Variants in EPHX2 observed in about 807,000 individuals in gnomAD.
The protein encoded by EPHX2 is bifunctional epoxide hydrolase 2.
In EPHX2, 74 loss-of-function variants were observed where a neutral mutation model predicts 78.7. That is an observed-to-expected ratio of 0.94 (90% CI 0.78 to 1.14). EPHX2 has a LOEUF of 1.14. Ranked by LOEUF, EPHX2 falls within the 50% of genes most tolerant of loss-of-function variation. The probability of loss-of-function intolerance (pLI) is 0.00; values close to 1 mark genes in which losing one functional copy is unlikely to be tolerated. For synonymous variants in EPHX2, 251 were observed against 255.2 expected (o/e 0.98, Z 0.16); for missense variants, 715 against 702.5 (o/e 1.02, Z -0.20).
chr8:27,547,891 C>CT (rs1287838488), downstream of EPHX2, among the ~76,000 whole-genome samples: 2 of 152,144 alleles, frequency 1.3e-5, no homozygotes, highest in Non-Finnish European at 2.9e-5. Flanking sequence ...AGATTTCATT[C>CT]TTTTTTTGTG....
chr8:27,513,691 A>G (rs1411320919), intron 6 of EPHX2, among the ~76,000 whole-genome samples: 1 of 152,196 alleles, frequency 6.6e-6, no homozygotes, highest in Non-Finnish European at 1.5e-5. Flanking sequence ...GAGATGGGAA[A>G]GGACATGCGT....
chr8:27,541,455 T>C lies in EPHX2; in HGVS notation c.1380-18T>C, dbSNP rs1255329794. 1 of 1,613,948 alleles carries C rather than the reference T, an allele frequency of 6.2e-7. No individual in the cohort carries two copies. The highest frequency in any genetic ancestry group is 1.7e-5 in the Admixed American group (1 of 60,012). ...CTACTTACTGCCTCCCTCTTTTTAC[T>C]TTCTGATCTCTCCCCAGAGGTCCTC... is the stretch of plus-strand genomic sequence containing the variant. On this transcript the variant is annotated intron_variant, in intron 15 of 18. Transcript: ENST00000521400.
intron 9 of EPHX2, 114 bp from the exon 10 acceptor site, chr8:27,520,768 TG>T: frequency 8.0e-7 from 1 of 1,247,882 alleles, no homozygotes. Context: ...TCTGAGGCCC[TG>T]GGGGTTAGGA....
chr8:27,537,407 C>T (rs1220076402), intron 13 of EPHX2, among the ~76,000 whole-genome samples: 2 of 152,146 alleles, frequency 1.3e-5, no homozygotes, highest in Non-Finnish European at 2.9e-5. Context: ...CATTTTGGTG[C>T]CTGAAGACAT....
intron 10 of EPHX2, among the ~76,000 whole-genome samples, chr8:27,521,788 G>A (rs1167909293): frequency 6.6e-6 from 1 of 152,214 alleles, no homozygotes; most frequent in Non-Finnish European, 1.5e-5. Flanking sequence ...CTCTGCGGTT[G>A]CTGCCAGTGG....
intron 5 of EPHX2, among the ~76,000 whole-genome samples, chr8:27,511,178 A>C (rs534072193): frequency 6.6e-6 from 1 of 152,368 alleles, no homozygotes; most frequent in South Asian, 2.1e-4. Context: ...GTATTTTGTC[A>C]TGGCAGCCAC....
At chr8:27,511,313 G>A (rs1021404110) in intron 5 of EPHX2, among the ~76,000 whole-genome samples, 2 of 152,220 alleles carry the variant, frequency 1.3e-5, no homozygotes, top group African/African-American at 2.4e-5. Context: ...GAGCCTGGGC[G>A]ACCATCGGAG....
At chr8:27,532,770 TAA>T (rs1815090918) in intron 12 of EPHX2, among the ~76,000 whole-genome samples, 1 of 152,156 alleles carries the variant, frequency 6.6e-6, no homozygotes, top group African/African-American at 2.4e-5. Context: ...GGGCCCAATC[TAA>T]AGCCAAGATG....
chr8:27,548,428 T>C (rs934310005), downstream of EPHX2, among the ~76,000 whole-genome samples: 12 of 152,190 alleles, frequency 7.9e-5, no homozygotes, highest in African/African-American at 2.9e-4. Flanking sequence ...TAAAATACTT[T>C]CTTGCCTGAG....
chr8:27,500,565 T>C (rs1045234351), intron 1 of EPHX2, among the ~76,000 whole-genome samples: 2 of 152,172 alleles, frequency 1.3e-5, no homozygotes, highest in Non-Finnish European at 2.9e-5. Context: ...GGTGAACTCA[T>C]GAAAAAGTTC....
At chr8:27,500,134 G>GGATTACATT (rs1284351555) in intron 1 of EPHX2, among the ~76,000 whole-genome samples, 9 of 152,312 alleles carry the variant, frequency 5.9e-5, no homozygotes, top group African/African-American at 2.2e-4. Flanking sequence ...AATGTTGGAG[G>GGATTACATT]AGGGGGTTGG....
chr8:27,508,458 C>T (rs911355095), intron 5 of EPHX2, among the ~76,000 whole-genome samples: 1 of 152,114 alleles, frequency 6.6e-6, no homozygotes, highest in African/African-American at 2.4e-5. Flanking sequence ...GCATCTTGCC[C>T]AAGCTTTGTT....
intron 12 of EPHX2, among the ~76,000 whole-genome samples, chr8:27,528,789 TA>T (rs891303017): frequency 1.6e-4 from 25 of 152,102 alleles, no homozygotes; most frequent in Non-Finnish European, 2.9e-4. Flanking sequence ...CTCCCCCACT[TA>T]TTTTTTTATT....
intron 6 of EPHX2, chr8:27,515,516 G>T (rs556914835): frequency 2.8e-5 from 16 of 565,238 alleles, no homozygotes; most frequent in African/African-American, 1.9e-4. Flanking sequence ...TATGGTGAGA[G>T]CCACCTGTTT....
intron 5 of EPHX2, among the ~76,000 whole-genome samples, chr8:27,510,557 G>A (rs897445278): frequency 6.6e-6 from 1 of 152,162 alleles, no homozygotes; most frequent in African/African-American, 2.4e-5. Flanking sequence ...TAATACCTCA[G>A]GATGTGACTG....
intron 1 of EPHX2, among the ~76,000 whole-genome samples, chr8:27,498,689 T>C (rs1015972956): frequency 4.6e-5 from 7 of 152,202 alleles, no homozygotes; most frequent in Admixed American, 6.5e-5. Flanking sequence ...ATACCTAAGA[T>C]GCTCAATAGG....
rs1250996617 is a variant in EPHX2 at position 27,506,918 on chromosome 8, A to T, written c.584A>T (p.Asp195Val). The change falls in exon 5 of 19, where the codon GAC becomes GTC. Residue 195 changes from aspartate (D) to valine (V), a missense_variant. Coordinates refer to ENST00000521400, the MANE Select transcript of EPHX2 (RefSeq NM_001979.6). ...DIGANLKPAR[D>V]LGMVTILVQD... ...GGGGCTAATCTGAAGCCAGCCCGTG[A>T]CTTGGGAATGGTCACCATCCTGGTC... 6.2e-7 allele frequency: 1 copy of T among 1,614,088 alleles called. No homozygotes were observed. The highest frequency in any genetic ancestry group is 8.5e-7 in the Non-Finnish European group (1 of 1,180,008).
At position 27,525,105 on chromosome 8, in the gene EPHX2, TGTGC is replaced by T. The variant is rs1402921654; in HGVS notation, c.1059-255_1059-252del. The stretch of plus-strand genomic sequence containing the variant: ...GTGTGTGTGTGTGTGTGTGTGTGTG[TGTGC>T]GCGCGCGCGCGCGCACCTATGTGTC... On this transcript the variant is annotated intron_variant, in intron 11 of 18. Transcript: ENST00000521400. 3.4e-3 allele frequency among the ~76,000 whole-genome samples: 439 copies of T among 127,520 alleles called. 2 individuals carry two copies. Among genetic ancestry groups the T allele is most frequent in the African/African-American group, 0.013 (393 of 30,380 alleles). The allele number at this position is 127,520 out of a possible 152,430, so 83.7% of individuals were successfully genotyped here. A position where few individuals can be genotyped will look rare whatever the true frequency, so the allele number is the denominator to read the frequency against.
intron 2 of EPHX2, among the ~76,000 whole-genome samples, chr8:27,501,361 TTC>T (rs762667541): frequency 7.7e-6 from 1 of 129,184 alleles, no homozygotes; most frequent in East Asian, 2.2e-4. Flanking sequence ...CTTCTTCTTC[TTC>T]TTCTTCTTCT....
Sources: allele counts gnomAD v4.1 joint callset (sites outside exome capture counted in the v4.1 genomes callset), GRCh38; gene constraint gnomAD v4.1.1; transcripts MANE v1.5; gene names NCBI Gene and HGNC (gene_info 2026-07-23, HGNC 2026-07-21).